CLVS1: variants seen among roughly 807,000 people sequenced by gnomAD.
CLVS1 encodes the protein clavesin-1.
CLVS1 carries 10 observed loss-of-function variants against 33.1 expected under a neutral mutation model. That is an observed-to-expected ratio of 0.30 (90% CI 0.19 to 0.51). The LOEUF is 0.51. Among genes scored for constraint, CLVS1 ranks in the 20% least tolerant of loss-of-function variants. The pLI is 0.97. For synonymous variants in CLVS1, 163 were observed against 166.1 expected (o/e 0.98, Z 0.14); for missense variants, 343 against 433.4 (o/e 0.79, Z 1.85).
the CLVS1 span, among the ~76,000 whole-genome samples, chr8:61,027,893 A>C: frequency 6.6e-6 from 1 of 152,216 alleles, no homozygotes; most frequent in Non-Finnish European, 1.5e-5. Flanking sequence ...TAATGTTCTC[A>C]CTTAGAAACA....
At chr8:61,017,993 G>A in the CLVS1 span, among the ~76,000 whole-genome samples, 1 of 152,144 alleles carries the variant, frequency 6.6e-6, no homozygotes, top group Non-Finnish European at 1.5e-5. Flanking sequence ...CAATGTTGAG[G>A]GCAGAAAGAT....
At chr8:61,152,857 A>C (rs987481700) in intron 2 of CLVS1, among the ~76,000 whole-genome samples, 17 of 152,214 alleles carry the variant, frequency 1.1e-4, no homozygotes, top group Admixed American at 7.2e-4. Flanking sequence ...ATAGCACTAC[A>C]GGTATCTGAA....
rs113368722 is a variant in CLVS1 at position 61,230,184 on chromosome 8, T to C, written c.-151-69493T>C. Among the ~76,000 whole-genome samples the C allele has an allele frequency of 7.0e-3, 1,073 of 152,304 alleles. 15 individuals carry two copies. Among genetic ancestry groups the C allele is most frequent in the African/African-American group, 0.024 (1,006 of 41,556 alleles). On this transcript the variant is annotated intron_variant, in intron 2 of 2. Transcript: ENST00000522621. ...GGTCACAGATGAAGTTCTTCAAGGC[T>C]GTTTTGCTGAACCCTGATGCAGACT...
chr8:60,983,047 A>G, the CLVS1 span, among the ~76,000 whole-genome samples: 6 of 152,194 alleles, frequency 3.9e-5, no homozygotes, highest in Admixed American at 3.9e-4. Context: ...AATTATTATT[A>G]AATTGAATTA....
chr8:61,208,808 G>A (rs1022592669), intron 2 of CLVS1, among the ~76,000 whole-genome samples: 2 of 152,102 alleles, frequency 1.3e-5, no homozygotes, highest in Non-Finnish European at 2.9e-5. Flanking sequence ...GGATGATCTC[G>A]ATCTCTTGAC....
At chr8:61,246,273 G>T (rs144030988) in intron 2 of CLVS1, among the ~76,000 whole-genome samples, 10 of 138,628 alleles carry the variant, frequency 7.2e-5, no homozygotes, top group Non-Finnish European at 1.1e-4. Flanking sequence ...AGGTTCAAGC[G>T]ATTCTCCTGC....
chr8:61,236,545 T>C (rs1358788105), intron 2 of CLVS1, among the ~76,000 whole-genome samples: 1 of 152,134 alleles, frequency 6.6e-6, no homozygotes, highest in Non-Finnish European at 1.5e-5. Context: ...AACAGAGCTC[T>C]GGAGTTGAGA....
intron 2 of CLVS1, among the ~76,000 whole-genome samples, chr8:61,251,486 T>C (rs2129591657): frequency 6.6e-6 from 1 of 152,336 alleles, no homozygotes; most frequent in African/African-American, 2.4e-5. Flanking sequence ...TCAGAAGGAA[T>C]GGTACCAGCT....
chr8:61,063,948 A>G (rs1804630699), intron 1 of CLVS1, among the ~76,000 whole-genome samples: 1 of 152,220 alleles, frequency 6.6e-6, no homozygotes, highest in Non-Finnish European at 1.5e-5. Context: ...TGCCTATTCT[A>G]GGTATCTCAT....
intron 2 of CLVS1, among the ~76,000 whole-genome samples, chr8:61,361,097 C>A (rs886716640): frequency 1.3e-5 from 2 of 152,140 alleles, no homozygotes; most frequent in African/African-American, 4.8e-5. Context: ...ACAAGCAGAT[C>A]TCACTATAAG....
intron 2 of CLVS1, among the ~76,000 whole-genome samples, chr8:61,166,411 C>T (rs991084603): frequency 2.0e-4 from 30 of 152,124 alleles, no homozygotes; most frequent in African/African-American, 6.3e-4. Flanking sequence ...TGGGATTACA[C>T]GTGTGAGCCA....
At chr8:61,144,788 G>A (rs928520228) in intron 2 of CLVS1, among the ~76,000 whole-genome samples, 4 of 152,158 alleles carry the variant, frequency 2.6e-5, no homozygotes, top group Non-Finnish European at 4.4e-5. Context: ...CTTTTGATTT[G>A]CATTTCTCTA....
intron 2 of CLVS1, among the ~76,000 whole-genome samples, chr8:61,228,178 TA>T (rs1177672888): frequency 6.6e-6 from 1 of 152,206 alleles, no homozygotes; most frequent in African/African-American, 2.4e-5. Flanking sequence ...TGATTTTATT[TA>T]AAAAATTTTT....
chr8:61,085,564 G>A (rs1299108360), intron 1 of CLVS1, among the ~76,000 whole-genome samples: 1 of 152,128 alleles, frequency 6.6e-6, no homozygotes, highest in East Asian at 1.9e-4. Context: ...ACTGAGATTT[G>A]TGGAAAAGAA....
chr8:61,356,919 A>C (rs1812735388), intron 2 of CLVS1, among the ~76,000 whole-genome samples: 1 of 152,160 alleles, frequency 6.6e-6, no homozygotes, highest in East Asian at 1.9e-4. Flanking sequence ...TTCCATATGA[A>C]CTTTAAAGTA....
intron 2 of CLVS1, among the ~76,000 whole-genome samples, chr8:61,140,390 G>A (rs987299960): frequency 6.6e-6 from 1 of 152,156 alleles, no homozygotes; most frequent in African/African-American, 2.4e-5. Context: ...TCCGCTAAGA[G>A]ATTTGGAGTG....
chr8:61,254,681 T>C (rs1809034836), intron 2 of CLVS1, among the ~76,000 whole-genome samples: 1 of 151,874 alleles, frequency 6.6e-6, no homozygotes, highest in East Asian at 1.9e-4. Context: ...GCTGTGCTAG[T>C]AATGAGTGAG....
intron 3 of CLVS1, among the ~76,000 whole-genome samples, chr8:61,428,109 G>A (rs1815962514): frequency 6.6e-6 from 1 of 152,242 alleles, no homozygotes. Flanking sequence ...AATGTTTCAT[G>A]ATGCATTTGC....
chr8:61,357,483 C>CTTTT (rs1414093611), intron 2 of CLVS1, among the ~76,000 whole-genome samples: 1 of 71,474 alleles, frequency 1.4e-5, no homozygotes, highest in East Asian at 4.8e-4. Flanking sequence ...TTTTTCTTTC[C>CTTTT]TTTTTCTTTT....
Sources: allele counts gnomAD v4.1 joint callset (sites outside exome capture counted in the v4.1 genomes callset), GRCh38; gene constraint gnomAD v4.1.1; transcripts MANE v1.5; gene names NCBI Gene and HGNC (gene_info 2026-07-23, HGNC 2026-07-21).